KLHL1: variants seen among roughly 807,000 people sequenced by gnomAD.
KLHL1 encodes the protein kelch-like protein 1.
Under a neutral mutation model 77.7 loss-of-function variants are expected in KLHL1, and 47 were observed. That is an observed-to-expected ratio of 0.60 (90% CI 0.48 to 0.77). KLHL1 has a LOEUF of 0.77. Ranked by LOEUF, KLHL1 falls within the 30% of genes least tolerant of loss-of-function variation. KLHL1 has a pLI of 0.00. For missense variants in KLHL1, 925 were observed against 910.8 expected, an observed-to-expected ratio of 1.02 and a Z score of -0.20; for synonymous variants, 360 against 325.2, an observed-to-expected ratio of 1.11 and a Z score of -1.15.
At chr13:69,778,947 C>A (rs373152793) in intron 7 of KLHL1, among the ~76,000 whole-genome samples, 1 of 151,636 alleles carries the variant, frequency 6.6e-6, no homozygotes, top group Admixed American at 6.6e-5. Context: ...TACAGGCACA[C>A]GCCACCATAC....
chr13:69,950,764 T>C (rs919438178), intron 3 of KLHL1, among the ~76,000 whole-genome samples: 3 of 151,662 alleles, frequency 2.0e-5, no homozygotes, highest in African/African-American at 7.2e-5. Flanking sequence ...AAAATAATTG[T>C]ACCTTGAACC....
At chr13:69,820,359 G>A (rs1429951007) in intron 6 of KLHL1, among the ~76,000 whole-genome samples, 1 of 152,078 alleles carries the variant, frequency 6.6e-6, no homozygotes, top group Non-Finnish European at 1.5e-5. Context: ...CAGTCCACAA[G>A]TCATTACTTA....
chr13:70,056,323 A>G (rs1022284755), intron 1 of KLHL1, among the ~76,000 whole-genome samples: 1 of 152,116 alleles, frequency 6.6e-6, no homozygotes, highest in Non-Finnish European at 1.5e-5. Context: ...GAATACTGGG[A>G]CACCCAGATA....
At chr13:69,856,962 A>T (rs1351717318) in intron 5 of KLHL1, among the ~76,000 whole-genome samples, 1 of 152,002 alleles carries the variant, frequency 6.6e-6, no homozygotes, top group Non-Finnish European at 1.5e-5. Context: ...TAACTTGTCT[A>T]CCGTTCCAAC....
chr13:69,863,839 T>A (rs557360955), intron 5 of KLHL1, among the ~76,000 whole-genome samples: 115 of 152,116 alleles, frequency 7.6e-4, no homozygotes, highest in Non-Finnish European at 1.3e-3. Context: ...GTAATAATTC[T>A]TTCTCACTAA....
chr13:69,722,983 C>G (rs969798255), intron 8 of KLHL1, among the ~76,000 whole-genome samples: 1 of 151,994 alleles, frequency 6.6e-6, no homozygotes, highest in East Asian at 1.9e-4. Flanking sequence ...CAATGGAATA[C>G]TATTCAGCCA....
At chr13:69,966,431 G>A (rs897595544) in intron 2 of KLHL1, among the ~76,000 whole-genome samples, 1 of 152,116 alleles carries the variant, frequency 6.6e-6, no homozygotes, top group Non-Finnish European at 1.5e-5. Context: ...TATATCCACA[G>A]TTGAGACTTA....
At chr13:70,061,078 AG>A (rs1371988157) in intron 1 of KLHL1, among the ~76,000 whole-genome samples, 4 of 152,030 alleles carry the variant, frequency 2.6e-5, no homozygotes, top group Admixed American at 6.6e-5. Flanking sequence ...ACAGGCTGGG[AG>A]GGGTCACTGG....
At position 69,961,136 on chromosome 13, in the gene KLHL1, T is replaced by C. The variant is rs186837118; in HGVS notation, c.817+172A>G. Among the ~76,000 whole-genome samples, 162 of 152,164 alleles carry C rather than the reference T, an allele frequency of 1.1e-3. 1 individual carries two copies. Among genetic ancestry groups the C allele is most frequent in the African/African-American group, 3.8e-3 (157 of 41,544 alleles). ...AACGAAATGTATATGTATACATATA[T>C]ACATTTGTAATTTCAGTGACAACAA... On this transcript the variant is annotated intron_variant, in intron 3 of 10. Transcript: ENST00000377844.
intron 4 of KLHL1, among the ~76,000 whole-genome samples, chr13:69,891,549 AAG>A (rs1881426219): frequency 6.6e-6 from 1 of 152,194 alleles, no homozygotes; most frequent in East Asian, 1.9e-4. Context: ...TTTAATAAAA[AAG>A]GAATGATATT....
intron 6 of KLHL1, among the ~76,000 whole-genome samples, chr13:69,810,427 C>T (rs1273675168): frequency 1.3e-5 from 2 of 151,652 alleles, no homozygotes; most frequent in African/African-American, 4.8e-5. Flanking sequence ...AACAACTTGC[C>T]CCTGAATGAC....
intron 1 of KLHL1, among the ~76,000 whole-genome samples, chr13:70,106,954 T>C (rs897901250): frequency 9.2e-5 from 14 of 152,200 alleles, no homozygotes; most frequent in Admixed American, 2.6e-4. Context: ...CTTACAAAAA[T>C]GCATGTAAGT....
intron 1 of KLHL1, among the ~76,000 whole-genome samples, chr13:69,986,548 A>G (rs1441917430): frequency 1.3e-5 from 2 of 152,044 alleles, no homozygotes; most frequent in Non-Finnish European, 2.9e-5. Context: ...ATTTCAACAT[A>G]TAATTACCAT....
At chr13:69,925,139 G>C (rs1481660654) in intron 4 of KLHL1, among the ~76,000 whole-genome samples, 1 of 152,142 alleles carries the variant, frequency 6.6e-6, no homozygotes, top group Admixed American at 6.5e-5. Flanking sequence ...CGGACACAGA[G>C]GTTTTCAGCT....
intron 4 of KLHL1, among the ~76,000 whole-genome samples, chr13:69,906,412 C>G (rs561925597): frequency 3.9e-5 from 6 of 151,922 alleles, no homozygotes; most frequent in Non-Finnish European, 7.4e-5. Flanking sequence ...TCAAGACCCA[C>G]TTGATTAAGG....
chr13:69,941,963 A>T (rs182404971), intron 3 of KLHL1, among the ~76,000 whole-genome samples: 12 of 152,108 alleles, frequency 7.9e-5, no homozygotes, highest in Non-Finnish European at 1.3e-4. Context: ...AACAGTAATT[A>T]AAAAAACTCC....
chr13:70,025,212 G>T lies in KLHL1; in HGVS notation c.498-49410C>A, dbSNP rs545991901. ...ATTTGGTCCAGAATTGTATACAGTGGTAAATAAATGTTTTCAATGTATGTT... is the reference window on the plus strand; with the variant it reads ...ATTTGGTCCAGAATTGTATACAGTGTTAAATAAATGTTTTCAATGTATGTT... On this transcript the variant is annotated intron_variant, in intron 1 of 10. Coordinates refer to ENST00000377844, the MANE Select transcript of KLHL1 (RefSeq NM_020866.3). 2.6e-4 allele frequency among the ~76,000 whole-genome samples: 39 copies of T among 151,974 alleles called. No individual in the cohort carries two copies. The South Asian group carries it at 7.5e-3, about 29-fold the overall frequency.
chr13:69,743,449 T>C (rs1202925020), intron 7 of KLHL1, among the ~76,000 whole-genome samples: 1 of 151,968 alleles, frequency 6.6e-6, no homozygotes, highest in African/African-American at 2.4e-5. Flanking sequence ...AGTCTTGCTG[T>C]TGGAATTTAC....
intron 3 of KLHL1, among the ~76,000 whole-genome samples, chr13:69,945,134 C>T (rs1456496444): frequency 2.0e-5 from 3 of 151,252 alleles, no homozygotes; most frequent in East Asian, 3.9e-4. Context: ...TACAGTCACC[C>T]GCCACCACGC....
Sources: gnomAD v4.1 joint callset for allele counts (sites outside exome capture counted in the v4.1 genomes callset) on GRCh38, gnomAD v4.1.1 for gene constraint, MANE v1.5 for transcripts, NCBI Gene and HGNC (gene_info 2026-07-23, HGNC 2026-07-21) for gene names.